The following STAMBP variants were observed in gnomAD, a reference collection of about 807,000 sequenced individuals.
STAMBP encodes STAM-binding protein.
STAMBP carries 31 observed loss-of-function variants against 50.7 expected under a neutral mutation model. That is an observed-to-expected ratio of 0.61 (90% confidence interval 0.46 to 0.83). The LOEUF (loss-of-function observed/expected upper bound fraction) is 0.83, where lower values mean the gene tolerates loss of function less well. Among genes scored for constraint, STAMBP ranks in the 40% least tolerant of loss-of-function variants. The pLI is 0.00. For missense variants in STAMBP, 472 were observed against 518.9 expected, an observed-to-expected ratio of 0.91 and a Z score of 0.88; for synonymous variants, 211 against 192.4, an observed-to-expected ratio of 1.10 and a Z score of -0.80.
chr2:73,850,285 A>T lies in STAMBP; in HGVS notation c.868-91A>T. On this transcript the variant is annotated intron_variant, in intron 6 of 9. Coordinates refer to ENST00000394070, the MANE Select transcript of STAMBP (RefSeq NM_213622.4). The surrounding 1 kb of genome is among the most constrained non-coding windows in gnomAD (Gnocchi z 4.3). ...CTGTGTGGGAAGGGCTTTCACTTGT[A>T]TAGATGCTTACCTTTCCACTGTCGG... 6.7e-7 allele frequency: 1 copy of T among 1,496,686 alleles called. No individual in the cohort carries two copies. The highest frequency in any genetic ancestry group is 2.4e-5 in the East Asian group (1 of 42,370). 92.7% of individuals were successfully genotyped at this position (1,496,686 alleles called of 1,614,324 possible). A position where few individuals can be genotyped will look rare whatever the true frequency, so the allele number is the denominator to read the frequency against.
intron 9 of STAMBP, 97 bp downstream of exon 9, chr2:73,860,248 A>G: frequency 9.8e-7 from 1 of 1,019,296 alleles, no homozygotes; most frequent in East Asian, 2.6e-5. Context: ...CACACAGAAG[A>G]CCAGCTTTGT....
Position 73,849,384 on chromosome 2 carries a change from G to T in STAMBP, c.764G>T (p.Arg255Leu), listed in dbSNP as rs146601260. 5.0e-6 allele frequency: 8 copies of T among 1,614,008 alleles called. No individual in the cohort carries two copies. The highest frequency in any genetic ancestry group is 5.9e-6 in the Non-Finnish European group (7 of 1,180,008). The change falls in exon 6 of 10, where the codon CGC becomes CTC. Residue 255 changes from arginine (R) to leucine (L), a missense_variant. Coordinates refer to ENST00000394070, the MANE Select transcript of STAMBP (RefSeq NM_213622.4). Reference protein sequence around the residue: ...SESIPTIDGLRHVVVPGRLCP... With the variant: ...SESIPTIDGLLHVVVPGRLCP... ...ACAGTTCCCACAATCGATGGATTGC[G>T]CCATGTGGTGGTGCCTGGGCGGCTG...
At chr2:73,845,045 C>A in intron 3 of STAMBP, 122 bp from the exon 4 acceptor site, 1 of 1,536,198 alleles carries the variant, frequency 6.5e-7, no homozygotes, top group Non-Finnish European at 8.8e-7. Flanking sequence ...AGGTATGGTA[C>A]AGTAGGGGGT....
In STAMBP at chr2:73,847,486, C is replaced by T; in HGVS notation, c.475C>T (p.Gln159Ter). The change falls in exon 5 of 10, where the codon CAG becomes TAG. Residue 159 changes from glutamine to a stop codon, truncating the protein, a stop_gained. Coordinates refer to ENST00000394070, the MANE Select transcript of STAMBP (RefSeq NM_213622.4). LOFTEE classifies it high-confidence loss of function. ...VAQQKQQQLE[Q>*]EQFHAFEEMI... is the part of the protein sequence containing the mutation. ...ACAACAGAAGCAGCAGCAATTGGAACAGGAACAGTTCCATGCCTTCGAGGA... is the reference window on the plus strand; with the variant it reads ...ACAACAGAAGCAGCAGCAATTGGAATAGGAACAGTTCCATGCCTTCGAGGA... 1 of 1,614,190 alleles carries T rather than the reference C, an allele frequency of 6.2e-7. No individual in the cohort carries two copies. The highest frequency in any genetic ancestry group is 8.5e-7 in the Non-Finnish European group (1 of 1,180,036).
At chr2:73,845,065 C>G (rs1344951698) in intron 3 of STAMBP, 102 bp from the exon 4 acceptor site, 5 of 1,558,256 alleles carry the variant, frequency 3.2e-6, no homozygotes, top group Non-Finnish European at 2.6e-6. Context: ...TATTTTAAAT[C>G]ATTTTGGGAA....
chr2:73,849,260 A>C, intron 5 of STAMBP, 103 bp from the exon 6 acceptor site: 1 of 1,563,862 alleles, frequency 6.4e-7, no homozygotes, highest in East Asian at 2.3e-5. Context: ...AGTTGGGGGA[A>C]TCCCAGTGGC....
Position 73,844,879 on chromosome 2 carries a change from C to T in STAMBP, c.270C>T (p.Asp90=), listed in dbSNP as rs1341096656. 1.9e-6 allele frequency: 3 copies of T among 1,613,772 alleles called. No homozygotes were observed. The highest frequency in any genetic ancestry group is 2.5e-6 in the Non-Finnish European group (3 of 1,179,908). ...YKSAVIPEKK[D]TVKKLKEIAF... ...CTGCTGTCATTCCTGAAAAGAAAGA[C>T]ACAGTAAAGGTGGGTCTTCACTTTC... The change falls in exon 3 of 10, where the codon GAC becomes GAT. Residue 90 remains aspartate (D), a synonymous_variant. Coordinates refer to ENST00000394070, the MANE Select transcript of STAMBP (RefSeq NM_213622.4).
At chr2:73,845,543 A>G (rs1675952241) in intron 4 of STAMBP, among the ~76,000 whole-genome samples, 2 of 152,224 alleles carry the variant, frequency 1.3e-5, no homozygotes, top group African/African-American at 4.8e-5. Context: ...CATTCTCTCC[A>G]AAACATAGGT....
intron 5 of STAMBP, 96 bp from the exon 6 acceptor site, chr2:73,849,267 T>C: frequency 6.3e-7 from 1 of 1,583,244 alleles, no homozygotes; most frequent in Non-Finnish European, 8.6e-7. Context: ...GGAATCCCAG[T>C]GGCTTAATGT....
intron 2 of STAMBP, 147 bp from the exon 3 acceptor site, chr2:73,844,666 T>G: frequency 1.8e-6 from 1 of 569,934 alleles, no homozygotes; most frequent in Non-Finnish European, 3.0e-6. Flanking sequence ...GAAAGGAGCA[T>G]GGCCCAGCTG....
chr2:73,870,329 G>A (rs1679151228), downstream of STAMBP: 1 of 152,256 alleles, frequency 6.6e-6, no homozygotes, highest in Non-Finnish European at 1.5e-5. Context: ...GCAAGAACTA[G>A]CAGAGCTCTT....
At chr2:73,831,761 G>A (rs1016198471) in intron 2 of STAMBP, among the ~76,000 whole-genome samples, 7 of 151,978 alleles carry the variant, frequency 4.6e-5, no homozygotes, top group Admixed American at 3.9e-4. Context: ...TAATGTATTT[G>A]GTTCTGAGTA....
At chr2:73,836,407 T>C (rs1184437318) in intron 2 of STAMBP, among the ~76,000 whole-genome samples, 2 of 152,288 alleles carry the variant, frequency 1.3e-5, no homozygotes, top group East Asian at 1.9e-4. Context: ...CTCCACCCCG[T>C]GGTGCCCGCG....
chr2:73,829,661 T>C (rs1673660503), intron 1 of STAMBP, among the ~76,000 whole-genome samples, 151 bp downstream of exon 1: 1 of 152,180 alleles, frequency 6.6e-6, no homozygotes, highest in African/African-American at 2.4e-5. Flanking sequence ...TCTGCATCCC[T>C]AGTAGTCCTC....
At chr2:73,832,161 A>AAAGTAAGTAAGTAAAAAGT (rs1442180277) in intron 2 of STAMBP, among the ~76,000 whole-genome samples, 1 of 149,792 alleles carries the variant, frequency 6.7e-6, no homozygotes, top group Non-Finnish European at 1.5e-5. Context: ...CTATAGTTAA[A>AAAGTAAGTAAGTAAAAAGT]AAGTAAGTCT....
At chr2:73,871,768 GA>G (rs1196969510), downstream of STAMBP, among the ~76,000 whole-genome samples, 5 of 151,844 alleles carry the variant, frequency 3.3e-5, no homozygotes, top group Admixed American at 6.6e-5. Flanking sequence ...AACTCAGCAA[GA>G]AAAAAACTTT....
intron 4 of STAMBP, among the ~76,000 whole-genome samples, chr2:73,845,498 G>A (rs570390397): frequency 6.6e-6 from 1 of 152,298 alleles, no homozygotes; most frequent in East Asian, 1.9e-4. Context: ...TCGCCTACCT[G>A]CTATGTCTAG....
intron 2 of STAMBP, among the ~76,000 whole-genome samples, chr2:73,841,228 T>C (rs1675349739): frequency 6.6e-6 from 1 of 152,206 alleles, no homozygotes; most frequent in Non-Finnish European, 1.5e-5. Context: ...GCCACCGCTT[T>C]CTATCCTTAG....
At chr2:73,840,313 G>GTTTTTTTTTTT (rs57827239) in intron 2 of STAMBP, among the ~76,000 whole-genome samples, 1 of 115,640 alleles carries the variant, frequency 8.6e-6, no homozygotes, top group Non-Finnish European at 1.9e-5. Flanking sequence ...TTAGGGGTTT[G>GTTTTTTTTTTT]TTTTTTTTTT....
Sources: gnomAD v4.1 joint callset for allele counts (sites outside exome capture counted in the v4.1 genomes callset) on GRCh38, gnomAD v4.1.1 for gene constraint, Gnocchi (gnomAD v3.1) non-coding constraint, MANE v1.5 for transcripts, NCBI Gene and HGNC (gene_info 2026-07-23, HGNC 2026-07-21) for gene names.